NRG3: variants seen among roughly 807,000 people sequenced by gnomAD.
NRG3 encodes the protein neuregulin 3.
Under a neutral mutation model 66.9 loss-of-function variants are expected in NRG3, and 31 were observed. That is an observed-to-expected ratio of 0.46 (90% confidence interval 0.35 to 0.63). NRG3 has a LOEUF of 0.63. Ranked by LOEUF, NRG3 falls within the 20% of genes least tolerant of loss-of-function variation. The probability of loss-of-function intolerance (pLI) is 0.00; values close to 1 mark genes in which losing one functional copy is unlikely to be tolerated. For synonymous variants in NRG3, 393 were observed against 359.4 expected, an observed-to-expected ratio of 1.09 and a Z score of -1.06; for missense variants, 910 against 878.9, an observed-to-expected ratio of 1.04 and a Z score of -0.45.
rs370881850 is a variant in NRG3 at position 82,701,111 on chromosome 10, T to C, written c.954-37466T>C. On this transcript the variant is annotated intron_variant, in intron 2 of 8. Transcript: ENST00000372141. ...GTCTTAAATACAAAACAAATATCAG[T>C]TATAACAATTGTATATATTTTAATC... Among the ~76,000 whole-genome samples, 8 of 152,110 alleles carry C rather than the reference T, an allele frequency of 5.3e-5. No individual in the cohort carries two copies. The East Asian group carries it at 9.6e-4, about 18-fold the overall frequency.
At chr10:82,170,404 T>C (rs996868782) in intron 1 of NRG3, among the ~76,000 whole-genome samples, 4 of 151,876 alleles carry the variant, frequency 2.6e-5, no homozygotes, top group East Asian at 1.9e-4. Context: ...ATTAAAATCA[T>C]AGCCCAACAT....
intron 1 of NRG3, among the ~76,000 whole-genome samples, chr10:81,900,681 T>C (rs112022541): frequency 1.3e-5 from 2 of 152,236 alleles, no homozygotes; most frequent in African/African-American, 4.8e-5. Flanking sequence ...AATTTGTTTG[T>C]ATGTTTTATA....
At position 82,986,328 on chromosome 10, in the gene NRG3, T is replaced by A. The variant is rs117881773; in HGVS notation, c.*723T>A. The A allele has an allele frequency of 1.4e-3, 211 of 152,328 alleles. No individual in the cohort carries two copies. The highest frequency in any genetic ancestry group is 2.5e-3 in the Non-Finnish European group (167 of 68,046). 9.4% of individuals were successfully genotyped at this position (152,328 alleles called of 1,614,324 possible). On this transcript the variant is annotated 3_prime_UTR_variant, in exon 9 of 9. Transcript: ENST00000372141. ...AGAAATGTTTTTCCTTGAGATTGTT[T>A]AGAGGCTCTGGAGGAGCGTTTCTCA...
intron 4 of NRG3, among the ~76,000 whole-genome samples, chr10:82,898,969 C>T (rs935419412): frequency 1.1e-4 from 17 of 151,924 alleles, no homozygotes; most frequent in African/African-American, 4.1e-4. Context: ...CTCGGCCTCC[C>T]AAAGTGCTGG....
chr10:82,034,764 C>A (rs1435186344), intron 1 of NRG3, among the ~76,000 whole-genome samples: 1 of 151,940 alleles, frequency 6.6e-6, no homozygotes, highest in African/African-American at 2.4e-5. Context: ...CCGTTCCTGC[C>A]TTGTTGATTG....
intron 2 of NRG3, among the ~76,000 whole-genome samples, chr10:82,706,953 C>A (rs1320335450): frequency 6.7e-6 from 1 of 149,726 alleles, no homozygotes; most frequent in Non-Finnish European, 1.5e-5. Context: ...GAGATCGCAC[C>A]ACTGCACTCC....
chr10:82,786,359 T>C (rs1247247045), intron 3 of NRG3, among the ~76,000 whole-genome samples: 7 of 152,188 alleles, frequency 4.6e-5, no homozygotes, highest in Non-Finnish European at 1.5e-5. Context: ...ACACAGATTA[T>C]TGTCTAGTTT....
intron 1 of NRG3, among the ~76,000 whole-genome samples, chr10:82,231,345 G>T (rs909399536): frequency 2.6e-5 from 4 of 151,638 alleles, no homozygotes; most frequent in African/African-American, 7.3e-5. Context: ...GCGAGACTCC[G>T]TCTCAAAAAA....
At chr10:82,408,995 G>A (rs1311451660) in intron 2 of NRG3, among the ~76,000 whole-genome samples, 2 of 152,136 alleles carry the variant, frequency 1.3e-5, no homozygotes, top group Non-Finnish European at 2.9e-5. Context: ...GGCACAGAGG[G>A]TGTCTGAAGG....
chr10:82,027,732 A>G (rs1048013750), intron 1 of NRG3, among the ~76,000 whole-genome samples: 2 of 152,088 alleles, frequency 1.3e-5, no homozygotes, highest in African/African-American at 2.4e-5. Flanking sequence ...TTTGGAGCCC[A>G]TGGGTAGGTG....
intron 1 of NRG3, among the ~76,000 whole-genome samples, chr10:82,193,770 TG>T (rs932864216): frequency 2.8e-4 from 43 of 152,298 alleles, no homozygotes; most frequent in African/African-American, 1.0e-3. Flanking sequence ...AAACAAAGCT[TG>T]TTCCATTTGA....
chr10:81,894,628 A>G (rs75674130), intron 1 of NRG3, among the ~76,000 whole-genome samples: 3,172 of 152,276 alleles, frequency 0.021, 61 homozygotes, highest in African/African-American at 0.042. Context: ...CGCACTAATC[A>G]AACATAAAAT....
rs552886789 is a variant in NRG3 at position 82,968,500 on chromosome 10, A to G, written c.1285-5288A>G. Among the ~76,000 whole-genome samples, 22 of 152,374 alleles carry G rather than the reference A, an allele frequency of 1.4e-4. No homozygotes were observed. In the South Asian group the frequency reaches 4.6e-3, roughly 32 times the overall value. On this transcript the variant is annotated intron_variant, in intron 6 of 8. Transcript: ENST00000372141. The stretch of plus-strand genomic sequence containing the variant: ...TTAGGAAATATCTATCATGAACACT[A>G]TGAATAAACAGAACAGGTTAAGAGG...
chr10:82,767,403 T>A (rs2059555916), intron 3 of NRG3, among the ~76,000 whole-genome samples: 2 of 152,112 alleles, frequency 1.3e-5, no homozygotes, highest in South Asian at 4.1e-4. Flanking sequence ...ATTTCTAGAG[T>A]GTCTGAAAAA....
At chr10:82,387,740 A>G (rs1409675917) in intron 2 of NRG3, among the ~76,000 whole-genome samples, 1 of 152,186 alleles carries the variant, frequency 6.6e-6, no homozygotes. Flanking sequence ...TTTGTTCTAG[A>G]AAGACTTTCC....
intron 1 of NRG3, among the ~76,000 whole-genome samples, chr10:82,159,643 T>C (rs1320874457): frequency 2.6e-5 from 4 of 151,918 alleles, no homozygotes; most frequent in Non-Finnish European, 5.9e-5. Flanking sequence ...ATCTAAGAAA[T>C]AGAAACCATG....
intron 4 of NRG3, among the ~76,000 whole-genome samples, chr10:82,912,257 T>C (rs988655395): frequency 2.0e-5 from 3 of 152,226 alleles, no homozygotes; most frequent in African/African-American, 7.2e-5. Context: ...TTCAAGTCTT[T>C]AACTAAAATA....
chr10:82,103,768 G>T (rs1355456879), intron 1 of NRG3, among the ~76,000 whole-genome samples: 1 of 152,026 alleles, frequency 6.6e-6, no homozygotes, highest in African/African-American at 2.4e-5. Context: ...AGAGAGATGG[G>T]TTTTTTCCTT....
intron 3 of NRG3, among the ~76,000 whole-genome samples, chr10:82,829,361 A>G (rs1284392131): frequency 6.6e-6 from 1 of 152,212 alleles, no homozygotes; most frequent in Non-Finnish European, 1.5e-5. Context: ...TTATCTGCAG[A>G]TGAGGTCTGG....
Sources: gnomAD v4.1 joint callset for allele counts (sites outside exome capture counted in the v4.1 genomes callset) on GRCh38, gnomAD v4.1.1 for gene constraint, MANE v1.5 for transcripts, NCBI Gene and HGNC (gene_info 2026-07-23, HGNC 2026-07-21) for gene names.